The following CCDC18 variants were observed in gnomAD, a reference collection of about 807,000 sequenced individuals.
CCDC18 encodes the protein coiled-coil domain containing 18.
CCDC18 carries 157 observed loss-of-function variants against 196.0 expected under a neutral mutation model. The ratio of observed to expected loss-of-function variants is 0.80; its 90% CI spans 0.70 to 0.91. The LOEUF is 0.91. Ranked by LOEUF, CCDC18 falls within the 40% of genes least tolerant of loss-of-function variation. The pLI, the probability that CCDC18 is intolerant of heterozygous loss-of-function variation, is 0.00. For missense variants in CCDC18, 1,465 were observed against 1,611.6 expected (o/e 0.91, Z 1.56); for synonymous variants, 482 against 529.2 (o/e 0.91, Z 1.22).
chr1:93,233,685 G>A (rs567338396), intron 18 of CCDC18, among the ~76,000 whole-genome samples: 2 of 151,962 alleles, frequency 1.3e-5, no homozygotes, highest in East Asian at 1.9e-4. Flanking sequence ...TGCAACCTCC[G>A]CCTCCCGGGT....
In CCDC18 at chr1:93,232,604, T is replaced by C. The variant is rs1355150053; in HGVS notation, c.2460+11T>C. On this transcript the variant is annotated intron_variant, in intron 18 of 28. Coordinates refer to ENST00000690025, the MANE Select transcript of CCDC18 (RefSeq NM_001378204.1). ...AAACTTGAAAAACAGGTATATATTA[T>C]TAGCCCAAGATTGTTTTATTTGTAT... 1 of 1,539,062 alleles carries C rather than the reference T, an allele frequency of 6.5e-7. No individual in the cohort carries two copies. The highest frequency in any genetic ancestry group is 2.3e-5 in the East Asian group (1 of 44,102).
At chr1:93,278,425 T>C in intron 28 of CCDC18, 38 bp from the exon 29 acceptor site, 1 of 863,108 alleles carries the variant, frequency 1.2e-6, no homozygotes, top group South Asian at 2.2e-5. Context: ...AGTTTAGGAA[T>C]ATTTCAAATA....
At chr1:93,189,356 T>C (rs1651321437) in intron 4 of CCDC18, among the ~76,000 whole-genome samples, 1 of 152,268 alleles carries the variant, frequency 6.6e-6, no homozygotes, top group Non-Finnish European at 1.5e-5. Context: ...TACTACATTT[T>C]CTTTATCCAT....
intron 25 of CCDC18, 113 bp downstream of exon 25, chr1:93,256,651 G>A: frequency 1.2e-6 from 1 of 834,140 alleles, no homozygotes; most frequent in Non-Finnish European, 1.9e-6. Context: ...ACAACAGTGT[G>A]AATGTACTTA....
At chr1:93,269,254 C>T (rs1201636664) in intron 27 of CCDC18, among the ~76,000 whole-genome samples, 1 of 123,238 alleles carries the variant, frequency 8.1e-6, no homozygotes, top group African/African-American at 3.2e-5. Context: ...GGGTGGGGAA[C>T]ATCACACACT....
At chr1:93,274,772 C>T (rs562975078) in intron 28 of CCDC18, among the ~76,000 whole-genome samples, 4 of 152,226 alleles carry the variant, frequency 2.6e-5, no homozygotes, top group East Asian at 1.9e-4. Context: ...TGCTTGAGCC[C>T]AGTTCGAGGC....
intron 28 of CCDC18, among the ~76,000 whole-genome samples, chr1:93,272,559 G>A (rs557817618): frequency 7.9e-5 from 12 of 152,282 alleles, no homozygotes; most frequent in African/African-American, 2.6e-4. Context: ...ATTGTGTCCA[G>A]TGTTGCTAAG....
chr1:93,195,299 T>C (rs1388490457), intron 6 of CCDC18, among the ~76,000 whole-genome samples: 7 of 152,210 alleles, frequency 4.6e-5, no homozygotes, highest in African/African-American at 1.4e-4. Context: ...TATGTTCTTA[T>C]AAGTAAATAG....
intron 28 of CCDC18, among the ~76,000 whole-genome samples, chr1:93,276,303 A>T (rs1043304227): frequency 5.3e-5 from 8 of 152,234 alleles, no homozygotes; most frequent in African/African-American, 2.4e-5. Context: ...TTCTGCTTTC[A>T]GACTAACAAA....
At chr1:93,264,543 T>C (rs992249493) in intron 26 of CCDC18, 158 bp from the exon 27 acceptor site, 1 of 518,268 alleles carries the variant, frequency 1.9e-6, no homozygotes, top group African/African-American at 1.9e-5. Context: ...CCCTTTTTCC[T>C]CTAGTATTCA....
intron 28 of CCDC18, chr1:93,273,433 G>T (rs1037516114): frequency 6.6e-6 from 1 of 152,156 alleles, no homozygotes; most frequent in East Asian, 1.9e-4. Context: ...TAAGATATTG[G>T]ATATTTAAGA....
chr1:93,211,182 G>C (rs1352245320), intron 10 of CCDC18, among the ~76,000 whole-genome samples: 1 of 151,892 alleles, frequency 6.6e-6, no homozygotes, highest in Non-Finnish European at 1.5e-5. Flanking sequence ...GGAGGCTGAG[G>C]CAGGAGAATC....
chr1:93,231,191 T>A (rs116008496), intron 17 of CCDC18, among the ~76,000 whole-genome samples: 67 of 152,338 alleles, frequency 4.4e-4, no homozygotes, highest in African/African-American at 1.4e-3. Context: ...CTATTTACTA[T>A]AAGGAGTTTA....
At chr1:93,276,137 A>G (rs1665609424) in intron 28 of CCDC18, among the ~76,000 whole-genome samples, 1 of 152,222 alleles carries the variant, frequency 6.6e-6, no homozygotes, top group Non-Finnish European at 1.5e-5. Context: ...GTGCAGTTTT[A>G]AAGTCCACTG....
chr1:93,232,446 G>T lies in CCDC18; in HGVS notation c.2313G>T (p.Glu771Asp). The T allele has an allele frequency of 6.2e-7, 1 of 1,602,072 alleles. No homozygotes were observed. The part of the protein sequence containing the change: ...KSEEVYCLQK[E>D]LKIKNHSLQE... ...GCCAGGTATATTGTTTACAGAAAGA[G>T]CTAAAGATAAAAAATCACAGTCTTC... Residue 771 changes from glutamate (E) to aspartate (D), a missense_variant, in exon 18 of 29, where the codon GAG becomes GAT. By Grantham distance (45) the Glu-to-Asp change is conservative. Transcript: ENST00000690025.
At chr1:93,268,321 C>A (rs1664788725) in intron 27 of CCDC18, among the ~76,000 whole-genome samples, 1 of 152,164 alleles carries the variant, frequency 6.6e-6, no homozygotes, top group South Asian at 2.1e-4. Context: ...ACTATAAAAA[C>A]CCTAGAAGAA....
chr1:93,197,821 G>A (rs1027763574), intron 6 of CCDC18, among the ~76,000 whole-genome samples: 5 of 136,124 alleles, frequency 3.7e-5, no homozygotes, highest in Non-Finnish European at 7.6e-5. Context: ...GCGCGATCTC[G>A]GCTCACTGCA....
chr1:93,184,790 G>A (rs1377561985), intron 3 of CCDC18, among the ~76,000 whole-genome samples: 2 of 151,770 alleles, frequency 1.3e-5, no homozygotes, highest in East Asian at 1.9e-4. Flanking sequence ...TTTCCACTTC[G>A]GAAAGCCAAC....
chr1:93,190,657 A>G, intron 4 of CCDC18: 1 of 370,136 alleles, frequency 2.7e-6, no homozygotes, highest in South Asian at 3.4e-5. Context: ...CAGTATCAGT[A>G]TGAGATGTTT....
Sources: allele counts gnomAD v4.1 joint callset (sites outside exome capture counted in the v4.1 genomes callset), GRCh38; gene constraint gnomAD v4.1.1; transcripts MANE v1.5; gene names NCBI Gene and HGNC (gene_info 2026-07-23, HGNC 2026-07-21).